DLGAP1: variants seen among roughly 807,000 people sequenced by gnomAD.
DLGAP1 encodes the protein DLG associated protein 1, also known as disks large-associated protein 1.
A neutral mutation model predicts 90.8 loss-of-function variants in DLGAP1; 11 were observed. The ratio of observed to expected loss-of-function variants is 0.12; its 90% CI spans 0.08 to 0.20. DLGAP1 has a LOEUF of 0.20. DLGAP1 is among the 10% of genes least tolerant of loss of function. The pLI is 1.00. For missense variants in DLGAP1, 1,050 were observed against 1,333.8 expected, an observed-to-expected ratio of 0.79 and a Z score of 3.31; for synonymous variants, 558 against 540.7, an observed-to-expected ratio of 1.03 and a Z score of -0.44.
intron 3 of DLGAP1, chr18:3,977,766 GA>G: frequency 2.8e-6 from 1 of 359,286 alleles, no homozygotes; most frequent in Non-Finnish European, 5.3e-6. Context: ...CCCCAGCTTT[GA>G]AGGTGGAAGA....
At chr18:4,224,699 G>T (rs2078149142) in intron 1 of DLGAP1, among the ~76,000 whole-genome samples, 1 of 150,672 alleles carries the variant, frequency 6.6e-6, no homozygotes, top group Non-Finnish European at 1.5e-5. Context: ...CACCAGGTAG[G>T]TTCCAAAGGT....
In DLGAP1 at chr18:4,220,112, C is replaced by G. The variant is rs1293509904; in HGVS notation, c.-266-68825G>C. On this transcript the variant is annotated intron_variant, in intron 1 of 12. Transcript: ENST00000315677. ...CACTAATTCTTCTAATCTGTGAACA[C>G]AGAATACCTTTCCATTTATTTGTGT... 3.9e-5 allele frequency among the ~76,000 whole-genome samples: 6 copies of G among 152,058 alleles called. No homozygotes were observed. The East Asian group carries it at 1.2e-3, about 29-fold the overall frequency.
intron 10 of DLGAP1, among the ~76,000 whole-genome samples, chr18:3,509,255 G>GT (rs2050404618): frequency 1.3e-5 from 2 of 152,274 alleles, no homozygotes; most frequent in African/African-American, 2.4e-5. Context: ...GAGCGAACAT[G>GT]TTCAGCCTGT....
At chr18:3,615,814 A>G (rs2057838763) in intron 7 of DLGAP1, among the ~76,000 whole-genome samples, 1 of 152,122 alleles carries the variant, frequency 6.6e-6, no homozygotes, top group African/African-American at 2.4e-5. Flanking sequence ...AAATTTAGCT[A>G]GTTTGATAAG....
chr18:3,574,147 T>C (rs892912597), intron 8 of DLGAP1, among the ~76,000 whole-genome samples: 3 of 152,240 alleles, frequency 2.0e-5, no homozygotes, highest in African/African-American at 7.2e-5. Context: ...CTATTCTCAT[T>C]CCTAATATTG....
chr18:4,258,730 T>C (rs963590297), intron 1 of DLGAP1, among the ~76,000 whole-genome samples: 7 of 151,968 alleles, frequency 4.6e-5, no homozygotes, highest in Admixed American at 4.6e-4. Flanking sequence ...ATTACGGCAA[T>C]ACTGCTCCTT....
intron 10 of DLGAP1, among the ~76,000 whole-genome samples, chr18:3,515,982 C>A (rs1268747152): frequency 1.3e-5 from 2 of 152,094 alleles, no homozygotes; most frequent in Admixed American, 6.6e-5. Flanking sequence ...CAAGTTTGAT[C>A]ATGAAATTAT....
chr18:4,013,914 T>C (rs552285063), intron 2 of DLGAP1: 3 of 152,242 alleles, frequency 2.0e-5, no homozygotes, highest in Non-Finnish European at 2.9e-5. Flanking sequence ...GCAAGATAAA[T>C]AGAGAACAGT....
At chr18:4,092,463 G>A (rs1368747387) in intron 2 of DLGAP1, among the ~76,000 whole-genome samples, 2 of 152,176 alleles carry the variant, frequency 1.3e-5, no homozygotes, top group East Asian at 3.9e-4. Flanking sequence ...TCTCCCATGA[G>A]AGATGGTTTC....
chr18:3,850,833 A>G (rs1276901157), intron 4 of DLGAP1, among the ~76,000 whole-genome samples: 1 of 152,144 alleles, frequency 6.6e-6, no homozygotes, highest in African/African-American at 2.4e-5. Flanking sequence ...TTGAAGATTA[A>G]CTTGGTTGAT....
At chr18:3,934,010 C>A (rs1323024783) in intron 3 of DLGAP1, among the ~76,000 whole-genome samples, 1 of 152,148 alleles carries the variant, frequency 6.6e-6, no homozygotes, top group Non-Finnish European at 1.5e-5. Context: ...TGGATTTGAG[C>A]CTCTGCCACA....
intron 9 of DLGAP1, among the ~76,000 whole-genome samples, chr18:3,559,200 A>G (rs1407975430): frequency 6.6e-6 from 1 of 152,210 alleles, no homozygotes; most frequent in Non-Finnish European, 1.5e-5. Context: ...GATTCTGATG[A>G]TTCAGATGAT....
At chr18:3,955,036 C>T (rs571799842) in intron 3 of DLGAP1, among the ~76,000 whole-genome samples, 72 of 152,172 alleles carry the variant, frequency 4.7e-4, no homozygotes, top group African/African-American at 1.7e-3. Context: ...AGGATCCAAC[C>T]GGCAAATGCA....
intron 5 of DLGAP1, among the ~76,000 whole-genome samples, chr18:3,782,141 T>C (rs1277408645): frequency 7.1e-6 from 1 of 141,196 alleles, no homozygotes; most frequent in Non-Finnish European, 1.5e-5. Context: ...TGCTCTAAGA[T>C]TTTTTTTTTT....
chr18:3,905,476 G>A (rs967523065), intron 3 of DLGAP1, among the ~76,000 whole-genome samples: 9 of 149,982 alleles, frequency 6.0e-5, no homozygotes, highest in South Asian at 2.1e-4. Context: ...TACCATTTCC[G>A]TACAAAAATT....
intron 1 of DLGAP1, among the ~76,000 whole-genome samples, chr18:4,163,454 C>A (rs533737794): frequency 4.6e-5 from 7 of 152,330 alleles, no homozygotes; most frequent in African/African-American, 1.7e-4. Flanking sequence ...GTGAGCTAAT[C>A]CACACGAAAG....
chr18:4,231,448 T>G (rs1598676288), intron 1 of DLGAP1, among the ~76,000 whole-genome samples: 1 of 152,270 alleles, frequency 6.6e-6, no homozygotes, highest in East Asian at 1.9e-4. Context: ...CAAGAGATTA[T>G]CAGATAGGCT....
At position 4,244,674 on chromosome 18, in the gene DLGAP1, A is replaced by T. The variant is rs185962851; in HGVS notation, c.-266-93387T>A. Among the ~76,000 whole-genome samples the T allele has an allele frequency of 1.7e-4, 26 of 152,318 alleles. No homozygotes were observed. In the East Asian group the frequency reaches 4.8e-3, roughly 28 times the overall value. Reference sequence around the variant, plus strand: ...ATTTAAGAGACAATGGATCAGTTACATGATCTGTGTGTCATTTTCTTCAGC... The same window carrying T: ...ATTTAAGAGACAATGGATCAGTTACTTGATCTGTGTGTCATTTTCTTCAGC... On this transcript the variant is annotated intron_variant, in intron 1 of 12. Coordinates refer to ENST00000315677, the MANE Select transcript of DLGAP1 (RefSeq NM_004746.4).
chr18:4,225,427 G>A (rs957978433), intron 1 of DLGAP1, among the ~76,000 whole-genome samples: 4 of 151,914 alleles, frequency 2.6e-5, no homozygotes, highest in African/African-American at 9.7e-5. Flanking sequence ...AGACGATCCA[G>A]GAAAACATGA....
Sources: allele counts gnomAD v4.1 joint callset (sites outside exome capture counted in the v4.1 genomes callset), GRCh38; gene constraint gnomAD v4.1.1; transcripts MANE v1.5; gene names NCBI Gene and HGNC (gene_info 2026-07-23, HGNC 2026-07-21).